CEP112: variants seen among roughly 807,000 people sequenced by gnomAD.
The protein encoded by CEP112 is centrosomal protein 112.
In CEP112, 127 loss-of-function variants were observed where a neutral mutation model predicts 153.0. The observed-to-expected ratio is 0.83, with a 90% CI of 0.72 to 0.96. The LOEUF is 0.96. Among genes scored for constraint, CEP112 ranks in the 40% least tolerant of loss-of-function variants. CEP112 has a pLI of 0.00. For missense variants in CEP112, 1,089 were observed against 1,101.2 expected, an observed-to-expected ratio of 0.99 and a Z score of 0.16; for synonymous variants, 358 against 374.4, an observed-to-expected ratio of 0.96 and a Z score of 0.51.
chr17:65,980,794 G>C (rs960476152), intron 17 of CEP112, among the ~76,000 whole-genome samples: 4 of 151,434 alleles, frequency 2.6e-5, no homozygotes, highest in Non-Finnish European at 4.4e-5. Context: ...CTTTTTTTGA[G>C]GGGGACAGAG....
intron 20 of CEP112, among the ~76,000 whole-genome samples, chr17:65,863,400 A>C (rs118069563): frequency 0.012 from 1,861 of 152,286 alleles, 19 homozygotes; most frequent in Middle Eastern, 0.031. Flanking sequence ...ATTAAATACT[A>C]ATAAGCTCTG....
intron 17 of CEP112, among the ~76,000 whole-genome samples, chr17:65,976,918 T>C (rs2063058249): frequency 6.6e-6 from 1 of 152,008 alleles, no homozygotes; most frequent in African/African-American, 2.4e-5. Flanking sequence ...TTTGTATTTT[T>C]AGTAGAAACA....
chr17:66,012,283 G>A (rs939135200), intron 16 of CEP112, among the ~76,000 whole-genome samples: 1 of 152,156 alleles, frequency 6.6e-6, no homozygotes, highest in Non-Finnish European at 1.5e-5. Flanking sequence ...TTGTTAGCTG[G>A]TTATTATGCA....
chr17:66,168,437 A>ATG (rs2072081812), intron 4 of CEP112, among the ~76,000 whole-genome samples: 1 of 142,950 alleles, frequency 7.0e-6, no homozygotes, highest in Non-Finnish European at 1.6e-5. Flanking sequence ...ATATATGTAT[A>ATG]TATATGTGTG....
intron 23 of CEP112, among the ~76,000 whole-genome samples, chr17:65,722,288 G>A (rs985322490): frequency 5.9e-5 from 9 of 152,086 alleles, no homozygotes; most frequent in Non-Finnish European, 1.0e-4. Context: ...TCCCTTTGTT[G>A]CCCAGGCTGG....
intron 16 of CEP112, among the ~76,000 whole-genome samples, chr17:66,013,291 G>A (rs1355022273): frequency 6.6e-6 from 1 of 152,140 alleles, no homozygotes; most frequent in Admixed American, 6.6e-5. Context: ...AGACACTCTG[G>A]CTTTTTGAGT....
At chr17:66,130,792 A>AC (rs1193777323) in intron 5 of CEP112, among the ~76,000 whole-genome samples, 45 of 151,670 alleles carry the variant, frequency 3.0e-4, no homozygotes, top group East Asian at 1.2e-3. Context: ...AAAAAAAAAA[A>AC]ACACACACAA....
At chr17:65,812,454 C>T (rs750212662) in intron 21 of CEP112, among the ~76,000 whole-genome samples, 6 of 152,136 alleles carry the variant, frequency 3.9e-5, no homozygotes, top group African/African-American at 1.4e-4. Flanking sequence ...TTGGCTTAAA[C>T]CTCATTGCTC....
At chr17:65,908,686 C>A (rs1464767835) in intron 19 of CEP112, among the ~76,000 whole-genome samples, 7 of 92,864 alleles carry the variant, frequency 7.5e-5, no homozygotes, top group African/African-American at 3.1e-4. Context: ...AAGAGTAAAA[C>A]TCTGTCTCAA....
intron 21 of CEP112, among the ~76,000 whole-genome samples, chr17:65,824,484 G>T (rs2056743933): frequency 6.6e-6 from 1 of 152,212 alleles, no homozygotes; most frequent in Admixed American, 6.5e-5. Flanking sequence ...TGTGGTGATG[G>T]TTTGTCAAAA....
rs144332876 is a variant in CEP112 at position 65,897,671 on chromosome 17, T to G, written c.2163+4481A>C. On this transcript the variant is annotated intron_variant, in intron 20 of 26. Transcript: ENST00000535342. Reference sequence around the variant, plus strand: ...CATAATATCTACAAAATTATATTTCTTAAAGCACTTTGTTTTTTGATTTGA... The same window carrying G: ...CATAATATCTACAAAATTATATTTCGTAAAGCACTTTGTTTTTTGATTTGA... 2.6e-3 allele frequency among the ~76,000 whole-genome samples: 400 copies of G among 152,186 alleles called. 4 individuals carry two copies. Among genetic ancestry groups the G allele is most frequent in the African/African-American group, 8.9e-3 (370 of 41,554 alleles).
chr17:66,156,923 G>A (rs1238194088), intron 4 of CEP112, among the ~76,000 whole-genome samples: 2 of 152,136 alleles, frequency 1.3e-5, no homozygotes, highest in African/African-American at 2.4e-5. Context: ...GAAAGTGACG[G>A]GGAGAATGGA....
chr17:65,785,769 CT>C (rs528758546), intron 21 of CEP112, among the ~76,000 whole-genome samples: 18 of 152,110 alleles, frequency 1.2e-4, no homozygotes, highest in African/African-American at 3.9e-4. Flanking sequence ...TCTGATATTG[CT>C]TTTTTCTAAA....
intron 23 of CEP112, among the ~76,000 whole-genome samples, chr17:65,716,157 G>GT (rs59895626): frequency 2.2e-4 from 33 of 149,646 alleles, no homozygotes; most frequent in South Asian, 8.5e-4. Context: ...TTCTTTCTTT[G>GT]TTTTTTTTTT....
chr17:65,962,236 A>C (rs2062231410), intron 17 of CEP112, among the ~76,000 whole-genome samples: 1 of 152,216 alleles, frequency 6.6e-6, no homozygotes, highest in African/African-American at 2.4e-5. Flanking sequence ...ATACACTTCA[A>C]AGGAGTGAAT....
chr17:65,969,667 A>G (rs968966002), intron 17 of CEP112, among the ~76,000 whole-genome samples: 1 of 152,254 alleles, frequency 6.6e-6, no homozygotes. Flanking sequence ...ATAACACTGC[A>G]TATTGCATGC....
At chr17:66,055,280 G>A (rs1285088794) in intron 11 of CEP112, among the ~76,000 whole-genome samples, 1 of 152,154 alleles carries the variant, frequency 6.6e-6, no homozygotes, top group Non-Finnish European at 1.5e-5. Flanking sequence ...GAATGAGGAT[G>A]CTCAGTAATA....
intron 18 of CEP112, among the ~76,000 whole-genome samples, chr17:65,942,692 G>T (rs1354375210): frequency 6.6e-6 from 1 of 152,134 alleles, no homozygotes; most frequent in Non-Finnish European, 1.5e-5. Flanking sequence ...TAAATGTCCA[G>T]CTCCATCTAC....
At chr17:65,936,790 A>C (rs111787901) in intron 18 of CEP112, among the ~76,000 whole-genome samples, 50,327 of 120,664 alleles carry the variant, frequency 0.42, 11,672 homozygotes, top group East Asian at 0.85. Context: ...CTCTCCGTCT[A>C]CCTCTCCCCC....
Sources: gnomAD v4.1 joint callset for allele counts (sites outside exome capture counted in the v4.1 genomes callset) on GRCh38, gnomAD v4.1.1 for gene constraint, MANE v1.5 for transcripts, NCBI Gene and HGNC (gene_info 2026-07-23, HGNC 2026-07-21) for gene names.